Variants in ARHGAP31 observed in about 807,000 individuals in gnomAD.
ARHGAP31 encodes Rho GTPase activating protein 31.
A neutral mutation model predicts 113.9 loss-of-function variants in ARHGAP31; 34 were observed. That is an observed-to-expected ratio of 0.30 (90% CI 0.23 to 0.40). The LOEUF (loss-of-function observed/expected upper bound fraction) is 0.40. Ranked by LOEUF, ARHGAP31 falls within the 10% of genes least tolerant of loss-of-function variation. ARHGAP31 has a pLI of 1.00. For missense variants in ARHGAP31, 1,548 were observed against 1,767.1 expected (o/e 0.88, Z 2.22); for synonymous variants, 650 against 684.8 (o/e 0.95, Z 0.79).
chr3:119,372,031 C>G (rs1481988076), intron 3 of ARHGAP31, among the ~76,000 whole-genome samples: 1 of 152,192 alleles, frequency 6.6e-6, no homozygotes, highest in East Asian at 1.9e-4. Flanking sequence ...TAGGTTGATT[C>G]TGTGTCTTTG....
intron 1 of ARHGAP31, among the ~76,000 whole-genome samples, chr3:119,324,460 G>A (rs1040591416): frequency 6.6e-6 from 1 of 152,152 alleles, no homozygotes; most frequent in East Asian, 1.9e-4. Flanking sequence ...GTTGGTTGAT[G>A]TCCTCTCTCA....
chr3:119,324,501 A>G (rs2079824197), intron 1 of ARHGAP31, among the ~76,000 whole-genome samples: 1 of 152,224 alleles, frequency 6.6e-6, no homozygotes, highest in Non-Finnish European at 1.5e-5. Context: ...TCCTAGGTAG[A>G]TCCCCCAAAA....
intron 1 of ARHGAP31, among the ~76,000 whole-genome samples, chr3:119,327,743 A>T (rs764712071): frequency 6.6e-6 from 1 of 152,170 alleles, no homozygotes; most frequent in East Asian, 1.9e-4. Context: ...GGTCCACAGG[A>T]GCAGAGAATT....
chr3:119,357,964 G>A (rs1480348642), intron 1 of ARHGAP31, among the ~76,000 whole-genome samples: 2 of 152,078 alleles, frequency 1.3e-5, no homozygotes, highest in Non-Finnish European at 2.9e-5. Context: ...TCAGAAATAA[G>A]AAGCTTTTCT....
intron 6 of ARHGAP31, among the ~76,000 whole-genome samples, chr3:119,383,555 A>G (rs1253729236): frequency 1.3e-5 from 2 of 152,212 alleles, no homozygotes; most frequent in Non-Finnish European, 2.9e-5. Context: ...ATTTTCCAAA[A>G]GAGGTACTGC....
intron 1 of ARHGAP31, chr3:119,329,744 G>A (rs769477444): frequency 2.0e-4 from 187 of 954,124 alleles, no homozygotes; most frequent in Non-Finnish European, 2.2e-4. Context: ...CTTCCTGCCC[G>A]CTCACAGAGC....
intron 6 of ARHGAP31, among the ~76,000 whole-genome samples, chr3:119,389,967 T>C (rs1047592253): frequency 6.6e-6 from 1 of 152,242 alleles, no homozygotes; most frequent in African/African-American, 2.4e-5. Context: ...GGCCTTTGCC[T>C]ACTAGACACC....
At chr3:119,324,542 A>T (rs1295208401) in intron 1 of ARHGAP31, among the ~76,000 whole-genome samples, 3 of 152,232 alleles carry the variant, frequency 2.0e-5, no homozygotes, top group Non-Finnish European at 4.4e-5. Context: ...AAATCCAAAA[A>T]GCTTGGGTAC....
chr3:119,338,223 A>C (rs1231167851), intron 1 of ARHGAP31, among the ~76,000 whole-genome samples: 1 of 152,214 alleles, frequency 6.6e-6, no homozygotes. Context: ...AGTGACATCC[A>C]TGACCAGGTA....
chr3:119,338,352 C>G (rs1382977937), intron 1 of ARHGAP31, among the ~76,000 whole-genome samples: 1 of 152,148 alleles, frequency 6.6e-6, no homozygotes, highest in Non-Finnish European at 1.5e-5. Context: ...AGTAGTTTGA[C>G]CTTGTTTCAG....
At chr3:119,391,602 C>CG (rs1410622626) in intron 7 of ARHGAP31, among the ~76,000 whole-genome samples, 1 of 113,694 alleles carries the variant, frequency 8.8e-6, no homozygotes, top group African/African-American at 4.3e-5. Flanking sequence ...CCCCCCTCCC[C>CG]CCCGCCGTCA....
rs772821375 is a variant in ARHGAP31, at chr3:119,414,338, C to G, written c.2409C>G (p.Gly803=). The change falls in exon 12 of 12, where the codon GGC becomes GGG. Residue 803 remains glycine (G), a synonymous_variant. Transcript: ENST00000264245. ...ESTPVLLSKG[G]PEREDSSRKL... ...CTCCAGTCCTGCTTTCAAAGGGCGGCCCGGAAAGAGAAGACTCATCCAGGA... is the reference window on the plus strand; with the variant it reads ...CTCCAGTCCTGCTTTCAAAGGGCGGGCCGGAAAGAGAAGACTCATCCAGGA... 1 of 1,614,176 alleles carries G rather than the reference C, an allele frequency of 6.2e-7. No individual in the cohort carries two copies. Among genetic ancestry groups the G allele is most frequent in the Non-Finnish European group, 8.5e-7 (1 of 1,180,032 alleles).
intron 1 of ARHGAP31, among the ~76,000 whole-genome samples, chr3:119,336,478 T>G (rs1371002138): frequency 2.6e-5 from 4 of 152,080 alleles, no homozygotes; most frequent in African/African-American, 9.7e-5. Context: ...TAAGGGGATG[T>G]GTCGTCAGCA....
intron 10 of ARHGAP31, among the ~76,000 whole-genome samples, chr3:119,404,564 A>G (rs1705308944): frequency 1.3e-5 from 2 of 152,192 alleles, no homozygotes; most frequent in Admixed American, 1.3e-4. Context: ...CTTCACCTTC[A>G]TTAATTAAAT....
Position 119,414,864 on chromosome 3 carries a change from G to C in ARHGAP31, c.2935G>C (p.Glu979Gln). The C allele has an allele frequency of 6.2e-7, 1 of 1,614,210 alleles. No individual in the cohort carries two copies. The highest frequency in any genetic ancestry group is 8.5e-7 in the Non-Finnish European group (1 of 1,180,040). ...CTCCTCCAGCAGCTGTGCTAATCTTGAAACAGAGAGGAATTCTGACCCTCT... is the reference window on the plus strand; with the variant it reads ...CTCCTCCAGCAGCTGTGCTAATCTTCAAACAGAGAGGAATTCTGACCCTCT... ...VPSSSSCANL[E>Q]TERNSDPLQP... is the part of the protein sequence containing the mutation. The change falls in exon 12 of 12, where the codon GAA becomes CAA. Residue 979 changes from glutamate to glutamine, a missense_variant. By Grantham distance (29) the Glu-to-Gln change is conservative. Transcript: ENST00000264245.
At chr3:119,393,915 C>A (rs1182898554) in intron 8 of ARHGAP31, among the ~76,000 whole-genome samples, 1 of 152,220 alleles carries the variant, frequency 6.6e-6, no homozygotes, top group Non-Finnish European at 1.5e-5. Context: ...TGTCCCACTA[C>A]TGTTCTTTTT....
At chr3:119,366,817 A>G (rs918269999) in intron 2 of ARHGAP31, among the ~76,000 whole-genome samples, 1 of 151,870 alleles carries the variant, frequency 6.6e-6, no homozygotes, top group Non-Finnish European at 1.5e-5. Flanking sequence ...AAAACATAGC[A>G]TGGGCCGGGC....
At chr3:119,342,405 G>C (rs1204751454) in intron 1 of ARHGAP31, among the ~76,000 whole-genome samples, 1 of 152,182 alleles carries the variant, frequency 6.6e-6, no homozygotes, top group Non-Finnish European at 1.5e-5. Flanking sequence ...GCTATGCAGA[G>C]ACCATTGGTT....
intron 1 of ARHGAP31, among the ~76,000 whole-genome samples, chr3:119,321,281 A>ATATATATATATAGTATATATATACAC (rs1553759845): frequency 5.4e-5 from 3 of 55,578 alleles, no homozygotes; most frequent in Non-Finnish European, 1.3e-4. Flanking sequence ...TATATATACT[A>ATATATATATATAGTATATATATACAC]TATATATATA....
Sources: allele counts gnomAD v4.1 joint callset (sites outside exome capture counted in the v4.1 genomes callset), GRCh38; gene constraint gnomAD v4.1.1; transcripts MANE v1.5; gene names NCBI Gene and HGNC (gene_info 2026-07-23, HGNC 2026-07-21).